Variants in AEBP2 observed in about 807,000 individuals in gnomAD.
The protein encoded by AEBP2 is zinc finger protein AEBP2.
AEBP2 carries 10 observed loss-of-function variants against 50.8 expected under a neutral mutation model. The observed-to-expected ratio is 0.20, with a 90% confidence interval of 0.12 to 0.33. AEBP2 has a LOEUF of 0.33. Ranked by LOEUF, AEBP2 falls within the 10% of genes least tolerant of loss-of-function variation. AEBP2 has a pLI of 1.00. For synonymous variants in AEBP2, 296 were observed against 261.3 expected, an observed-to-expected ratio of 1.13 and a Z score of -1.28; for missense variants, 570 against 688.0, an observed-to-expected ratio of 0.83 and a Z score of 1.92.
At chr12:19,440,699 G>T in intron 1 of AEBP2, 1 of 1,533,464 alleles carries the variant, frequency 6.5e-7, no homozygotes, top group Non-Finnish European at 8.7e-7. Flanking sequence ...GCAGAAGAGG[G>T]CCTTGATGTA....
intron 1 of AEBP2, chr12:19,413,448 A>C (rs879095081): frequency 1.2e-5 from 13 of 1,116,366 alleles, no homozygotes; most frequent in South Asian, 7.4e-5. Context: ...CTGATGAAGA[A>C]GACGATTATT....
At position 19,453,016 on chromosome 12, in the gene AEBP2, A is replaced by G. The variant is rs556444987; in HGVS notation, c.672-9494A>G. ...AGTCTCGCTTTGTCGCCCAAGCTGGAATGCAGTAGTAGCATGATCTCGGCT... is the reference window on the plus strand; with the variant it reads ...AGTCTCGCTTTGTCGCCCAAGCTGGGATGCAGTAGTAGCATGATCTCGGCT... On this transcript the variant is annotated intron_variant, in intron 1 of 7. Coordinates refer to ENST00000266508, the MANE Select transcript of AEBP2 (RefSeq NM_153207.5). 3.9e-5 allele frequency among the ~76,000 whole-genome samples: 5 copies of G among 129,742 alleles called. No individual in the cohort carries two copies. The Admixed American group carries it at 4.9e-4, about 13-fold the overall frequency. The allele number at this position is 129,742 out of a possible 152,430, so 85.1% of individuals were successfully genotyped here. A position where few individuals can be genotyped will look rare whatever the true frequency, so the allele number is the denominator to read the frequency against.
At chr12:19,409,058 C>CG (rs1162498456) in intron 1 of AEBP2, among the ~76,000 whole-genome samples, 1 of 151,722 alleles carries the variant, frequency 6.6e-6, no homozygotes, top group Admixed American at 6.6e-5. Context: ...GGCATAGAAT[C>CG]GGGGAAAAAT....
chr12:19,483,436 C>G (rs1948759951), intron 3 of AEBP2, among the ~76,000 whole-genome samples: 1 of 152,032 alleles, frequency 6.6e-6, no homozygotes, highest in African/African-American at 2.4e-5. Flanking sequence ...AGTTTTTTAC[C>G]TGTCTCACGG....
intron 2 of AEBP2, among the ~76,000 whole-genome samples, chr12:19,468,036 A>G (rs1001133715): frequency 6.6e-6 from 1 of 151,846 alleles, no homozygotes; most frequent in Non-Finnish European, 1.5e-5. Flanking sequence ...TGATAGAGCA[A>G]GACTCTGTCT....
intron 2 of AEBP2, among the ~76,000 whole-genome samples, chr12:19,468,946 A>G (rs1049524691): frequency 6.6e-6 from 1 of 152,164 alleles, no homozygotes; most frequent in Non-Finnish European, 1.5e-5. Context: ...GTTTTTTGAG[A>G]TGGGGTCTCA....
chr12:19,506,603 A>G (rs1365592454), intron 5 of AEBP2, among the ~76,000 whole-genome samples: 1 of 152,018 alleles, frequency 6.6e-6, no homozygotes, highest in Non-Finnish European at 1.5e-5. Flanking sequence ...GTACATTCCT[A>G]CCTCCACCTC....
chr12:19,510,527 A>G (rs1949218416), intron 5 of AEBP2, among the ~76,000 whole-genome samples: 1 of 152,210 alleles, frequency 6.6e-6, no homozygotes, highest in Admixed American at 6.5e-5. Context: ...GCCTAGGTTA[A>G]TTGCCTGAGT....
At chr12:19,432,867 C>G (rs1203437242) in intron 1 of AEBP2, among the ~76,000 whole-genome samples, 1 of 152,024 alleles carries the variant, frequency 6.6e-6, no homozygotes, top group African/African-American at 2.4e-5. Context: ...CCTTAGTAGG[C>G]TTGGTAGGTA....
intron 2 of AEBP2, among the ~76,000 whole-genome samples, chr12:19,465,731 A>G (rs569127039): frequency 4.6e-5 from 7 of 151,948 alleles, no homozygotes; most frequent in Non-Finnish European, 1.0e-4. Flanking sequence ...TACTACTATA[A>G]AAGACAAGAA....
chr12:19,464,881 C>A (rs1373911997), intron 2 of AEBP2, among the ~76,000 whole-genome samples: 3 of 152,008 alleles, frequency 2.0e-5, no homozygotes, highest in African/African-American at 7.2e-5. Context: ...TGAGCCATCG[C>A]ACCCGGCCAA....
intron 6 of AEBP2, 115 bp downstream of exon 6, chr12:19,512,580 G>A (rs1411905594): frequency 6.9e-6 from 5 of 723,708 alleles, no homozygotes; most frequent in Non-Finnish European, 8.8e-6. Context: ...ATTTTACAAC[G>A]TTTTGAGGTT....
intron 1 of AEBP2, among the ~76,000 whole-genome samples, chr12:19,422,466 G>T (rs1057226968): frequency 3.3e-5 from 5 of 150,604 alleles, no homozygotes; most frequent in African/African-American, 1.2e-4. Flanking sequence ...ATACCGGAAG[G>T]TTAAGTAATT....
intron 2 of AEBP2, among the ~76,000 whole-genome samples, chr12:19,468,510 T>A (rs902697707): frequency 6.6e-6 from 1 of 152,218 alleles, no homozygotes; most frequent in African/African-American, 2.4e-5. Flanking sequence ...CATTGCACTT[T>A]TTTGCAGTGG....
At chr12:19,434,519 GTTATAAAAGT>G (rs1238671270), upstream of AEBP2, among the ~76,000 whole-genome samples, 4 of 152,190 alleles carry the variant, frequency 2.6e-5, no homozygotes, top group Non-Finnish European at 5.9e-5. Flanking sequence ...CTGTCAAGTT[GTTATAAAAGT>G]TTATAAAAGT....
intron 5 of AEBP2, among the ~76,000 whole-genome samples, chr12:19,511,480 C>CTAAG (rs1279512045): frequency 1.3e-5 from 2 of 152,186 alleles, no homozygotes; most frequent in Admixed American, 1.3e-4. Context: ...CTGCACCATA[C>CTAAG]TAAGAGTGAC....
intron 5 of AEBP2, among the ~76,000 whole-genome samples, chr12:19,505,440 A>G (rs1043555575): frequency 1.3e-5 from 2 of 152,272 alleles, no homozygotes; most frequent in African/African-American, 4.8e-5. Context: ...AAAAAATACC[A>G]TGCAGCTACT....
intron 1 of AEBP2, among the ~76,000 whole-genome samples, chr12:19,406,122 C>T (rs1478747881): frequency 6.6e-6 from 1 of 151,992 alleles, no homozygotes; most frequent in African/African-American, 2.4e-5. Flanking sequence ...CCTGCCACCA[C>T]GCCTGGCTAA....
At chr12:19,506,192 G>A (rs759965542) in intron 5 of AEBP2, among the ~76,000 whole-genome samples, 12 of 152,150 alleles carry the variant, frequency 7.9e-5, no homozygotes, top group Middle Eastern at 3.4e-3. Flanking sequence ...TGCCTCCCAG[G>A]TTCAAGTGAT....
Sources: allele counts gnomAD v4.1 joint callset (sites outside exome capture counted in the v4.1 genomes callset), GRCh38; gene constraint gnomAD v4.1.1; transcripts MANE v1.5; gene names NCBI Gene and HGNC (gene_info 2026-07-23, HGNC 2026-07-21).